MYO3B: variants seen among roughly 807,000 people sequenced by gnomAD.
MYO3B encodes the protein myosin-IIIb.
A neutral mutation model predicts 174.6 loss-of-function variants in MYO3B; 156 were observed. That is an observed-to-expected ratio of 0.89 (90% CI 0.78 to 1.02). The LOEUF (loss-of-function observed/expected upper bound fraction) is 1.02. Ranked by LOEUF, MYO3B falls within the 50% of genes least tolerant of loss-of-function variation. The probability of loss-of-function intolerance (pLI) is 0.00; values close to 1 mark genes in which losing one functional copy is unlikely to be tolerated. For synonymous variants in MYO3B, 563 were observed against 569.1 expected (o/e 0.99, Z 0.15); for missense variants, 1,632 against 1,639.4 (o/e 1.00, Z 0.08).
chr2:170,610,414 C>G (rs1328681626), intron 32 of MYO3B, among the ~76,000 whole-genome samples: 1 of 152,064 alleles, frequency 6.6e-6, no homozygotes, highest in Non-Finnish European at 1.5e-5. Context: ...ACAGAAGAGG[C>G]CAAGATAGAG....
intron 7 of MYO3B, among the ~76,000 whole-genome samples, chr2:170,313,968 C>T (rs146013768): frequency 1.3e-5 from 2 of 152,202 alleles, no homozygotes; most frequent in Non-Finnish European, 2.9e-5. Context: ...ATTACTGGCC[C>T]AGGAAAGAAA....
Position 170,653,190 on chromosome 2 carries a change from G to C in MYO3B, c.*69G>C. ...ATGGTAATCGACTGTCTGTCATTGC[G>C]TAAGAAAGCACTGATATGGGGTCAG... On this transcript the variant is annotated 3_prime_UTR_variant, in exon 35 of 35. Coordinates refer to ENST00000408978, the MANE Select transcript of MYO3B (RefSeq NM_138995.5). 6.3e-7 allele frequency: 1 copy of C among 1,585,562 alleles called. No homozygotes were observed. Among genetic ancestry groups the C allele is most frequent in the Non-Finnish European group, 8.6e-7 (1 of 1,156,726 alleles).
At chr2:170,538,797 G>A (rs1350036732) in intron 30 of MYO3B, among the ~76,000 whole-genome samples, 4 of 152,212 alleles carry the variant, frequency 2.6e-5, no homozygotes, top group African/African-American at 9.7e-5. Flanking sequence ...ATGCTTCCAA[G>A]ACGCCAATGG....
At position 170,543,881 on chromosome 2, in the gene MYO3B, T is replaced by C; in HGVS notation, c.3637-11T>C. The C allele has an allele frequency of 6.2e-7, 1 of 1,609,220 alleles. No individual in the cohort carries two copies. The highest frequency in any genetic ancestry group is 8.5e-7 in the Non-Finnish European group (1 of 1,176,244). On this transcript the variant is annotated splice_polypyrimidine_tract_variant and intron_variant, in intron 31 of 34. Coordinates refer to ENST00000408978, the MANE Select transcript of MYO3B (RefSeq NM_138995.5). ...TAAGAATAATATTTCTCTTACTGGG[T>C]TTTTCTGAAGCACTCGGTTTCTGGG...
intron 22 of MYO3B, among the ~76,000 whole-genome samples, chr2:170,414,643 G>T (rs72876358): frequency 0.14 from 21,004 of 152,110 alleles, 1,617 homozygotes; most frequent in East Asian, 0.29. Flanking sequence ...TGACTAGAAT[G>T]GCATTAAATC....
intron 23 of MYO3B, among the ~76,000 whole-genome samples, chr2:170,462,866 T>A (rs1384452279): frequency 6.6e-6 from 1 of 152,140 alleles, no homozygotes; most frequent in African/African-American, 2.4e-5. Flanking sequence ...CCTGAGCTCC[T>A]ATCTGCAATG....
intron 7 of MYO3B, among the ~76,000 whole-genome samples, chr2:170,274,027 A>G (rs1416216022): frequency 6.6e-6 from 1 of 152,130 alleles, no homozygotes; most frequent in Non-Finnish European, 1.5e-5. Flanking sequence ...GAAAAGTTGG[A>G]AAGAGTTTGG....
chr2:170,180,773 T>C (rs1165223963), intron 1 of MYO3B, among the ~76,000 whole-genome samples: 1 of 152,160 alleles, frequency 6.6e-6, no homozygotes, highest in African/African-American at 2.4e-5. Context: ...TATAAGGATA[T>C]ACACATACAT....
chr2:170,561,039 G>A (rs569404300), intron 32 of MYO3B, among the ~76,000 whole-genome samples: 1 of 152,262 alleles, frequency 6.6e-6, no homozygotes, highest in East Asian at 1.9e-4. Context: ...TTCAACTTGG[G>A]TTGCCATTAA....
intron 1 of MYO3B, among the ~76,000 whole-genome samples, chr2:170,198,861 T>G (rs923699154): frequency 1.3e-5 from 2 of 152,094 alleles, no homozygotes; most frequent in African/African-American, 4.8e-5. Flanking sequence ...TCAGCCACTT[T>G]CCCTGGCAGC....
At chr2:170,646,955 T>C (rs1340197681) in intron 32 of MYO3B, 2 of 1,332,286 alleles carry the variant, frequency 1.5e-6, no homozygotes, top group Non-Finnish European at 1.0e-6. Flanking sequence ...TATCTTTCAA[T>C]TGTTTTTATC....
At chr2:170,549,865 G>A (rs1690764312) in intron 32 of MYO3B, among the ~76,000 whole-genome samples, 1 of 152,194 alleles carries the variant, frequency 6.6e-6, no homozygotes, top group Non-Finnish European at 1.5e-5. Flanking sequence ...TGTTTGGAAG[G>A]GAGCGCAAGC....
At chr2:170,381,605 A>C (rs909019460) in intron 9 of MYO3B, among the ~76,000 whole-genome samples, 6 of 152,146 alleles carry the variant, frequency 3.9e-5, no homozygotes, top group Non-Finnish European at 8.8e-5. Context: ...ACTATCACAA[A>C]AGTTGGGGGT....
chr2:170,371,063 A>C (rs2105691771), intron 9 of MYO3B, among the ~76,000 whole-genome samples: 1 of 151,950 alleles, frequency 6.6e-6, no homozygotes, highest in Non-Finnish European at 1.5e-5. Context: ...CTAAAAATAC[A>C]GAAAATTAGC....
intron 17 of MYO3B, 24 bp from the exon 18 acceptor site, chr2:170,401,457 T>C: frequency 6.2e-7 from 1 of 1,607,656 alleles, no homozygotes; most frequent in Non-Finnish European, 8.5e-7. Flanking sequence ...CTACATTCTG[T>C]GTTATCCTTA....
intron 8 of MYO3B, chr2:170,340,811 C>A (rs1455912740): frequency 6.6e-6 from 1 of 152,092 alleles, no homozygotes; most frequent in African/African-American, 2.4e-5. Flanking sequence ...GTCAGAGGGA[C>A]CTTTCTGTTT....
At chr2:170,267,936 G>T (rs2093396386) in intron 7 of MYO3B, among the ~76,000 whole-genome samples, 1 of 152,130 alleles carries the variant, frequency 6.6e-6, no homozygotes, top group Non-Finnish European at 1.5e-5. Context: ...GTCCAGGTGT[G>T]GTGGCTCATG....
intron 32 of MYO3B, among the ~76,000 whole-genome samples, chr2:170,584,148 A>AT (rs1359171314): frequency 1.3e-5 from 2 of 152,184 alleles, no homozygotes; most frequent in Non-Finnish European, 2.9e-5. Flanking sequence ...ATGAATCTGA[A>AT]TTTTTTATTT....
chr2:170,386,048 C>A, intron 12 of MYO3B, 141 bp from the exon 13 acceptor site: 1 of 610,230 alleles, frequency 1.6e-6, no homozygotes, highest in Non-Finnish European at 2.9e-6. Context: ...TGAAGAAGGT[C>A]TCTATGTACT....
Sources: allele counts gnomAD v4.1 joint callset (sites outside exome capture counted in the v4.1 genomes callset), GRCh38; gene constraint gnomAD v4.1.1; transcripts MANE v1.5; gene names NCBI Gene and HGNC (gene_info 2026-07-23, HGNC 2026-07-21).